Variants in TMEM144 observed in about 807,000 individuals in gnomAD.
TMEM144 encodes the protein transmembrane protein 144.
Under a neutral mutation model 43.6 loss-of-function variants are expected in TMEM144, and 39 were observed. That is an observed-to-expected ratio of 0.90 (90% CI 0.69 to 1.17). TMEM144 has a LOEUF of 1.17. Among genes scored for constraint, TMEM144 ranks in the 50% most tolerant of loss-of-function variants. The probability of loss-of-function intolerance (pLI) is 0.00; values close to 1 mark genes in which losing one functional copy is unlikely to be tolerated. For missense variants in TMEM144, 417 were observed against 411.9 expected (o/e 1.01, Z -0.11); for synonymous variants, 154 against 133.6 (o/e 1.15, Z -1.06).
At chr4:158,216,004 A>G (rs939511281) in intron 4 of TMEM144, among the ~76,000 whole-genome samples, 1 of 152,218 alleles carries the variant, frequency 6.6e-6, no homozygotes, top group Non-Finnish European at 1.5e-5. Flanking sequence ...AAATTTATTT[A>G]TTACCCACTT....
At chr4:158,212,979 T>C in intron 3 of TMEM144, 1 of 602,196 alleles carries the variant, frequency 1.7e-6, no homozygotes, top group East Asian at 2.8e-5. Flanking sequence ...TGTTTCATGG[T>C]AAAGTTAGGG....
Position 158,217,278 on chromosome 4 carries a change from C to A in TMEM144, c.233-43C>A, listed in dbSNP as rs757007581. On this transcript the variant is annotated intron_variant, in intron 4 of 12. Coordinates refer to ENST00000296529, the MANE Select transcript of TMEM144 (RefSeq NM_018342.5). Reference sequence around the variant, plus strand: ...CTAATTCTATTTATAAATGTATTTTCTATATGGAAATAACATGTTTCTTCT... The same window carrying A: ...CTAATTCTATTTATAAATGTATTTTATATATGGAAATAACATGTTTCTTCT... 5.2e-6 allele frequency: 7 copies of A among 1,335,180 alleles called. No individual in the cohort carries two copies. In the Admixed American group the frequency reaches 5.7e-5, roughly 11 times the overall value. 82.7% of individuals were successfully genotyped at this position (1,335,180 alleles called of 1,614,324 possible). A position where few individuals can be genotyped will look rare whatever the true frequency, so the allele number is the denominator to read the frequency against.
chr4:158,236,475 G>T (rs532785511), intron 8 of TMEM144, among the ~76,000 whole-genome samples: 3 of 152,134 alleles, frequency 2.0e-5, no homozygotes, highest in African/African-American at 7.2e-5. Context: ...TCTTGTCTGC[G>T]TTTGGGACGC....
In TMEM144 at chr4:158,237,712, T is replaced by C. The variant is rs554598731; in HGVS notation, c.682+69T>C. 18 of 1,091,560 alleles carry C rather than the reference T, an allele frequency of 1.6e-5. No homozygotes were observed. The African/African-American group carries it at 1.9e-4, about 12-fold the overall frequency. The allele number at this position is 1,091,560 out of a possible 1,614,324, so 67.6% of individuals were successfully genotyped here. A position where few individuals can be genotyped will look rare whatever the true frequency, so the allele number is the denominator to read the frequency against. Reference sequence around the variant, plus strand: ...ATGAATATAAAAAGAATTGTGATAATAGTAAATATTGATGGGTCGATTCGA... The same window carrying C: ...ATGAATATAAAAAGAATTGTGATAACAGTAAATATTGATGGGTCGATTCGA... On this transcript the variant is annotated intron_variant, in intron 9 of 12. Coordinates refer to ENST00000296529, the MANE Select transcript of TMEM144 (RefSeq NM_018342.5).
intron 5 of TMEM144, among the ~76,000 whole-genome samples, chr4:158,218,817 T>A (rs1455673937): frequency 1.3e-5 from 2 of 152,168 alleles, no homozygotes; most frequent in Non-Finnish European, 2.9e-5. Context: ...AAGGTAGGTA[T>A]AATTATTATC....
chr4:158,241,582 G>C lies in TMEM144; in HGVS notation c.876G>C (p.Val292=), dbSNP rs745954268. ...WFIANHSLSA[V]VSFPIITAGP... is the part of the protein sequence containing the mutation. The stretch of plus-strand genomic sequence containing the variant: ...TAGCAAATCACTCTCTGAGTGCTGT[G>C]GTCAGTTTTCCAATAATCACTGCTG... The change falls in exon 11 of 13, where the codon GTG becomes GTC. Residue 292 remains valine (V), a synonymous_variant. Coordinates refer to ENST00000296529, the MANE Select transcript of TMEM144 (RefSeq NM_018342.5). 10 of 1,613,686 alleles carry C rather than the reference G, an allele frequency of 6.2e-6. No homozygotes were observed. The African/African-American group carries it at 9.3e-5, about 15-fold the overall frequency.
intron 9 of TMEM144, among the ~76,000 whole-genome samples, chr4:158,238,080 A>G (rs953770033): frequency 3.9e-5 from 6 of 152,194 alleles, no homozygotes; most frequent in East Asian, 1.9e-4. Context: ...GGAAGGCCCA[A>G]TGTAATGCTT....
At position 158,240,367 on chromosome 4, in the gene TMEM144, T is replaced by A; in HGVS notation, c.751T>A (p.Cys251Ser). The change falls in exon 10 of 13, where the codon TGC becomes AGC. Residue 251 changes from cysteine (C) to serine (S), a missense_variant. Transcript: ENST00000296529. ...LTSTVYFLAY[C>S]IAMKNSPKLY... ...AAGTACTGTCTACTTTCTGGCCTAC[T>A]GCATAGCCATGAAAAATAGTCCTAA... 1 of 1,613,970 alleles carries A rather than the reference T, an allele frequency of 6.2e-7. No homozygotes were observed. Among genetic ancestry groups the A allele is most frequent in the Non-Finnish European group, 8.5e-7 (1 of 1,179,926 alleles).
intron 7 of TMEM144, chr4:158,235,194 C>T: frequency 2.3e-6 from 1 of 436,194 alleles, no homozygotes; most frequent in Non-Finnish European, 4.2e-6. Flanking sequence ...AGGTGTATCA[C>T]AATAGCCACA....
In TMEM144 at chr4:158,218,864, C is replaced by T. The variant is rs578062803; in HGVS notation, c.333-446C>T. Among the ~76,000 whole-genome samples the T allele has an allele frequency of 9.2e-5, 14 of 152,228 alleles. No homozygotes were observed. In the South Asian group the frequency reaches 2.7e-3, roughly 29 times the overall value. On this transcript the variant is annotated intron_variant, in intron 5 of 12. Coordinates refer to ENST00000296529, the MANE Select transcript of TMEM144 (RefSeq NM_018342.5). ...ATGGGAGGCTGGGCACGTTGGCTAACGCCTATAATCTCAGCACTTTGGGAG... is the reference window on the plus strand; with the variant it reads ...ATGGGAGGCTGGGCACGTTGGCTAATGCCTATAATCTCAGCACTTTGGGAG...
intron 3 of TMEM144, among the ~76,000 whole-genome samples, chr4:158,214,778 T>C (rs1218968205): frequency 1.3e-5 from 2 of 152,220 alleles, no homozygotes; most frequent in Admixed American, 1.3e-4. Context: ...AAGCACTTAC[T>C]GCCATATTTT....
At position 158,219,352 on chromosome 4, in the gene TMEM144, G is replaced by A. The variant is rs780150839; in HGVS notation, c.375G>A (p.Pro125=). ...FGLDAEEVSN[P]LLNYIGAGLS... is the part of the protein sequence containing the mutation. ...TGGATGCAGAAGAAGTATCAAATCC[G>A]CTGCTAAATTACATTGGAGCTGGGC... Residue 125 remains proline (P), a synonymous_variant, in exon 6 of 13, where the codon CCG becomes CCA. Coordinates refer to ENST00000296529, the MANE Select transcript of TMEM144 (RefSeq NM_018342.5). 7.4e-6 allele frequency: 12 copies of A among 1,613,718 alleles called. No homozygotes were observed. The highest frequency in any genetic ancestry group is 4.4e-5 in the South Asian group (4 of 91,068).
intron 12 of TMEM144, among the ~76,000 whole-genome samples, chr4:158,250,587 T>C (rs902881256): frequency 8.5e-5 from 13 of 152,190 alleles, no homozygotes; most frequent in African/African-American, 2.9e-4. Flanking sequence ...AAAGCTGACC[T>C]GGCTGCAAGG....
At position 158,233,011 on chromosome 4, in the gene TMEM144, T is replaced by G. The variant is rs199677704; in HGVS notation, c.495+29T>G. 3 of 1,496,756 alleles carry G rather than the reference T, an allele frequency of 2.0e-6. No individual in the cohort carries two copies. In the African/African-American group the frequency reaches 4.2e-5, roughly 21 times the overall value. 92.7% of individuals were successfully genotyped at this position (1,496,756 alleles called of 1,614,324 possible). ...AGTATAGTATGAGAGACAACTTGAT[T>G]TGAAACATAAAATTAAGATAAATGG... On this transcript the variant is annotated intron_variant, in intron 7 of 12. Transcript: ENST00000296529.
chr4:158,231,322 G>A (rs1480353834), intron 6 of TMEM144, among the ~76,000 whole-genome samples: 2 of 152,150 alleles, frequency 1.3e-5, no homozygotes, highest in Non-Finnish European at 2.9e-5. Flanking sequence ...GTGAGTGGAA[G>A]CCATCAAGGC....
At chr4:158,246,798 G>C (rs1735912871) in intron 12 of TMEM144, among the ~76,000 whole-genome samples, 1 of 151,900 alleles carries the variant, frequency 6.6e-6, no homozygotes. Context: ...AGTCATCATA[G>C]TTTATTAGTA....
At position 158,252,764 on chromosome 4, in the gene TMEM144, C is replaced by T. The variant is rs1369731452; in HGVS notation, c.955-680C>T. ...CGGAGGTTGCAGTGAGCCAAGATCACGCCACTGAACTCCAGCCTAGGTGAC... is the reference window on the plus strand; with the variant it reads ...CGGAGGTTGCAGTGAGCCAAGATCATGCCACTGAACTCCAGCCTAGGTGAC... On this transcript the variant is annotated intron_variant, in intron 12 of 12. Transcript: ENST00000296529. Among the ~76,000 whole-genome samples the T allele has an allele frequency of 2.0e-5, 3 of 148,944 alleles. No homozygotes were observed. The Admixed American group carries it at 2.0e-4, about 10-fold the overall frequency.
Position 158,244,279 on chromosome 4 carries a change from T to G in TMEM144, c.901-17T>G, listed in dbSNP as rs780152749. The G allele has an allele frequency of 3.2e-6, 5 of 1,554,500 alleles. No homozygotes were observed. Among genetic ancestry groups the G allele is most frequent in the Non-Finnish European group, 3.5e-6 (4 of 1,141,100 alleles). Reference sequence around the variant, plus strand: ...GGTAAATATCCAATTTAATTAAAATTTATATTTTTATTTAAGGGTCCAGGA... The same window carrying G: ...GGTAAATATCCAATTTAATTAAAATGTATATTTTTATTTAAGGGTCCAGGA... On this transcript the variant is annotated splice_polypyrimidine_tract_variant and intron_variant, in intron 11 of 12. Coordinates refer to ENST00000296529, the MANE Select transcript of TMEM144 (RefSeq NM_018342.5).
intron 12 of TMEM144, 103 bp from the exon 13 acceptor site, chr4:158,253,330 AGGGTACAGGCG>A: frequency 1.3e-6 from 1 of 794,494 alleles, no homozygotes; most frequent in Middle Eastern, 3.9e-4. Flanking sequence ...GTAGCAAAAA[AGGGTACAGGCG>A]GCTAGAGCAG....
Sources: gnomAD v4.1 joint callset for allele counts (sites outside exome capture counted in the v4.1 genomes callset) on GRCh38, gnomAD v4.1.1 for gene constraint, MANE v1.5 for transcripts, NCBI Gene and HGNC (gene_info 2026-07-23, HGNC 2026-07-21) for gene names.